GFM2: variants seen among roughly 807,000 people sequenced by gnomAD.
GFM2 encodes the protein GTP dependent ribosome recycling factor mitochondrial 2, also known as ribosome-releasing factor 2, mitochondrial.
Under a neutral mutation model 95.4 loss-of-function variants are expected in GFM2, and 72 were observed. The ratio of observed to expected loss-of-function variants is 0.76; its 90% CI spans 0.62 to 0.92. The LOEUF is 0.92. GFM2 is among the 40% of genes least tolerant of loss of function. GFM2 has a pLI of 0.00. For synonymous variants in GFM2, 276 were observed against 317.5 expected, an observed-to-expected ratio of 0.87 and a Z score of 1.39; for missense variants, 825 against 924.1, an observed-to-expected ratio of 0.89 and a Z score of 1.39.
At chr5:74,754,304 TGA>T (rs779439482) in intron 5 of GFM2, among the ~76,000 whole-genome samples, 9 of 89,460 alleles carry the variant, frequency 1.0e-4, no homozygotes, top group African/African-American at 5.2e-4. Context: ...AATAATACAA[TGA>T]AAAAAAAAAA....
At chr5:74,745,554 T>A (rs766904067) in intron 10 of GFM2, 124 bp downstream of exon 10, 51 of 643,468 alleles carry the variant, frequency 7.9e-5, no homozygotes, top group Non-Finnish European at 1.2e-4. Flanking sequence ...GACTTGAGCA[T>A]CTGCAGATTT....
chr5:74,721,730 T>TAAGGCAAAA lies in GFM2; in HGVS notation c.2256_2264dup (p.Ala754_Leu755insPhePheAla). The TAAGGCAAAA allele has an allele frequency of 1.2e-6, 2 of 1,613,794 alleles. No individual in the cohort carries two copies. The highest frequency in any genetic ancestry group is 1.7e-6 in the Non-Finnish European group (2 of 1,179,806). On this transcript the variant is annotated inframe_insertion, in exon 21 of 21. Coordinates refer to ENST00000296805, the MANE Select transcript of GFM2 (RefSeq NM_032380.5). ...TCATGGCTTGATAAGTAGATAGTTC[T>TAAGGCAAAA]AAGGCAAAAGTAGCTGAGCCTGATG...
At chr5:74,736,730 A>G (rs1349136748) in intron 15 of GFM2, 66 bp downstream of exon 15, 1 of 1,600,716 alleles carries the variant, frequency 6.2e-7, no homozygotes, top group East Asian at 2.2e-5. Flanking sequence ...TCTTGAGGGT[A>G]TATTGCAACT....
intron 17 of GFM2, among the ~76,000 whole-genome samples, chr5:74,727,573 T>A (rs986914586): frequency 1.3e-5 from 2 of 152,206 alleles, no homozygotes; most frequent in Admixed American, 6.5e-5. Flanking sequence ...TTATTATAAG[T>A]ATGAACTTAG....
In GFM2 at chr5:74,750,680, T is replaced by A; in HGVS notation, c.431-13A>T. 1 of 1,586,944 alleles carries A rather than the reference T, an allele frequency of 6.3e-7. No individual in the cohort carries two copies. The highest frequency in any genetic ancestry group is 8.6e-7 in the Non-Finnish European group (1 of 1,156,954). ...AAGTCCACATGACCTAAGAAAAAGA[T>A]AAGACGTATAATGCCTTCTTTTTAA... is the stretch of plus-strand genomic sequence containing the variant. On this transcript the variant is annotated splice_polypyrimidine_tract_variant and intron_variant, in intron 6 of 20. Transcript: ENST00000296805.
At chr5:74,751,170 TAAA>T (rs1460996605) in intron 6 of GFM2, among the ~76,000 whole-genome samples, 195 bp downstream of exon 6, 1 of 152,162 alleles carries the variant, frequency 6.6e-6, no homozygotes, top group African/African-American at 2.4e-5. Context: ...TTCTGCAAGA[TAAA>T]AAAGTTCTGG....
intron 10 of GFM2, 39 bp downstream of exon 10, chr5:74,745,639 C>T (rs1156495440): frequency 1.3e-6 from 2 of 1,501,786 alleles, no homozygotes; most frequent in East Asian, 2.3e-5. Flanking sequence ...ATAAGTGGTG[C>T]ACACATTGGT....
chr5:74,739,885 C>A (rs767470297), intron 12 of GFM2, 104 bp downstream of exon 12: 108 of 793,620 alleles, frequency 1.4e-4, no homozygotes, highest in Non-Finnish European at 2.1e-4. Flanking sequence ...ATAACACTCA[C>A]CACTATTATT....
chr5:74,721,274 T>TTTTTATTGATTGAACC lies in GFM2; in HGVS notation c.*365_*380dup, dbSNP rs1749861185. On this transcript the variant is annotated 3_prime_UTR_variant, in exon 21 of 21. Transcript: ENST00000296805. The stretch of plus-strand genomic sequence containing the variant: ...ATTAGACTGTTTTTTGAATAAAATA[T>TTTTTATTGATTGAACC]TTTTATTGATTGAACCTTTGACCCT... 1 of 976,840 alleles carries TTTTTATTGATTGAACC rather than the reference T, an allele frequency of 1.0e-6. No individual in the cohort carries two copies. Among genetic ancestry groups the TTTTTATTGATTGAACC allele is most frequent in the Non-Finnish European group, 1.6e-6 (1 of 614,564 alleles). The allele number at this position is 976,840 out of a possible 1,614,324, so 60.5% of individuals were successfully genotyped here.
chr5:74,748,116 G>A (rs948614768), intron 7 of GFM2, among the ~76,000 whole-genome samples: 3 of 152,026 alleles, frequency 2.0e-5, no homozygotes, highest in Non-Finnish European at 4.4e-5. Flanking sequence ...CTTCTTGTTT[G>A]GCTTCACTTT....
At chr5:74,747,921 TTTTAGGGTCACTC>T (rs1477575404) in intron 7 of GFM2, 141 bp from the exon 8 acceptor site, 1 of 571,614 alleles carries the variant, frequency 1.7e-6, no homozygotes, top group African/African-American at 1.9e-5. Flanking sequence ...GCACTTATAT[TTTTAGGGTCACTC>T]TTTAGCTATC....
rs981357485 is a variant in GFM2 at position 74,730,264 on chromosome 5, G to A, written c.1722C>T (p.Ala574=). 12 of 1,600,822 alleles carry A rather than the reference G, an allele frequency of 7.5e-6. No individual in the cohort carries two copies. The highest frequency in any genetic ancestry group is 8.5e-6 in the Non-Finnish European group (10 of 1,176,592). The stretch of plus-strand genomic sequence containing the variant: ...CCTAAATGTTTTACTTTTTACCTGT[G>A]GCACGAACTGAGTTTAGGATGGTCT... ...YRETILNSVR[A]TDTLDRTLGD... Residue 574 remains alanine, a synonymous_variant, in exon 17 of 21, where the codon GCC becomes GCT. Transcript: ENST00000296805.
intron 14 of GFM2, among the ~76,000 whole-genome samples, chr5:74,737,332 G>A (rs1183414369): frequency 6.6e-6 from 1 of 152,068 alleles, no homozygotes; most frequent in East Asian, 1.9e-4. Context: ...CCACCCATAA[G>A]AATTTATTCC....
chr5:74,752,118 AAAGAG>A (rs1743747006), intron 5 of GFM2, among the ~76,000 whole-genome samples: 2 of 152,160 alleles, frequency 1.3e-5, no homozygotes, highest in African/African-American at 2.4e-5. Flanking sequence ...TAAATTTTCC[AAAGAG>A]AAGGGATTTA....
rs761036917 is a variant in GFM2, at chr5:74,738,380, G to A, written c.1258C>T (p.Gln420Ter). Residue 420 changes from glutamine (Q) to a stop codon, truncating the protein, a stop_gained, in exon 14 of 21, where the codon CAA (glutamine) becomes TAA (stop). Transcript: ENST00000296805. LOFTEE classifies it high-confidence loss of function. ...GTCAATGAAGGGATTTCTACATGTT[G>A]GTCAGCAAACGGCAAAAGCAGACGA... ...ISRLLLPFAD[Q>*]HVEIPSLTAG... is the part of the protein sequence containing the mutation. 5 of 1,613,386 alleles carry A rather than the reference G, an allele frequency of 3.1e-6. No individual in the cohort carries two copies. Among genetic ancestry groups the A allele is most frequent in the Non-Finnish European group, 2.5e-6 (3 of 1,179,612 alleles).
intron 14 of GFM2, 146 bp downstream of exon 14, chr5:74,738,172 G>T: frequency 1.6e-6 from 1 of 629,548 alleles, no homozygotes; most frequent in Non-Finnish European, 2.8e-6. Context: ...ATGAGATTCA[G>T]CCATGTTGAC....
intron 14 of GFM2, among the ~76,000 whole-genome samples, chr5:74,738,012 C>G (rs1012724211): frequency 1.3e-5 from 2 of 152,024 alleles, no homozygotes; most frequent in African/African-American, 4.8e-5. Context: ...GGGAACAAAA[C>G]AATATTTTAT....
chr5:74,739,230 A>G (rs1240615311), intron 12 of GFM2, among the ~76,000 whole-genome samples: 4 of 152,166 alleles, frequency 2.6e-5, no homozygotes, highest in Non-Finnish European at 4.4e-5. Flanking sequence ...AAACACTTCT[A>G]TGACAGAACT....
chr5:74,754,700 C>A (rs1743892198), intron 5 of GFM2, among the ~76,000 whole-genome samples: 2 of 152,040 alleles, frequency 1.3e-5, no homozygotes, highest in Admixed American at 1.3e-4. Context: ...ATTGCAGCTC[C>A]CAAATTTATA....
Sources: gnomAD v4.1 joint callset for allele counts (sites outside exome capture counted in the v4.1 genomes callset) on GRCh38, gnomAD v4.1.1 for gene constraint, MANE v1.5 for transcripts, NCBI Gene and HGNC (gene_info 2026-07-23, HGNC 2026-07-21) for gene names.